RABGAP1L: variants seen among roughly 807,000 people sequenced by gnomAD.
The protein encoded by RABGAP1L is rab GTPase-activating protein 1-like.
In RABGAP1L, 63 loss-of-function variants were observed where a neutral mutation model predicts 137.7. That is an observed-to-expected ratio of 0.46 (90% CI 0.37 to 0.56). The LOEUF is 0.56. Ranked by LOEUF, RABGAP1L falls within the 20% of genes least tolerant of loss-of-function variation. The pLI is 0.00. For missense variants in RABGAP1L, 1,095 were observed against 1,244.0 expected (o/e 0.88, Z 1.80); for synonymous variants, 431 against 433.7 (o/e 0.99, Z 0.08).
intron 13 of RABGAP1L, among the ~76,000 whole-genome samples, chr1:174,461,451 G>T (rs1320930364): frequency 6.6e-6 from 1 of 152,198 alleles, no homozygotes; most frequent in African/African-American, 2.4e-5. Context: ...AAGCATGCTT[G>T]CAGGTCTGTA....
rs908418527 is a variant in RABGAP1L, at chr1:174,676,927, A to G, written c.1825-6595A>G. ...TTAAACCCCAGGGATATCATTTTCT[A>G]AAGGAGTCATCTGTAGATGGTTTAT... On this transcript the variant is annotated intron_variant, in intron 14 of 25. Transcript: ENST00000681986. 5.3e-5 allele frequency among the ~76,000 whole-genome samples: 8 copies of G among 152,262 alleles called. No individual in the cohort carries two copies. In the East Asian group the frequency reaches 1.3e-3, roughly 26 times the overall value.
chr1:174,733,531 A>G (rs757994875), intron 17 of RABGAP1L, among the ~76,000 whole-genome samples: 5 of 152,184 alleles, frequency 3.3e-5, no homozygotes, highest in East Asian at 1.9e-4. Context: ...AACATTTCCA[A>G]GTTTACCCAA....
intron 11 of RABGAP1L, among the ~76,000 whole-genome samples, chr1:174,338,863 G>A (rs1384076011): frequency 3.9e-5 from 6 of 152,004 alleles, no homozygotes; most frequent in Non-Finnish European, 7.4e-5. Flanking sequence ...AATGGGTTTT[G>A]CACTTTTAAA....
intron 10 of RABGAP1L, among the ~76,000 whole-genome samples, chr1:174,293,107 T>C (rs568044972): frequency 8.2e-6 from 1 of 122,684 alleles, no homozygotes; most frequent in Admixed American, 7.4e-5. Flanking sequence ...ACACTAAAAT[T>C]AGGATTTTTT....
chr1:174,320,611 A>G (rs796270058), intron 11 of RABGAP1L, among the ~76,000 whole-genome samples: 2 of 152,146 alleles, frequency 1.3e-5, no homozygotes, highest in Non-Finnish European at 2.9e-5. Flanking sequence ...GACATACATT[A>G]GTTCCCCAAA....
At position 174,895,689 on chromosome 1, in the gene RABGAP1L, G is replaced by A. The variant is rs563434880; in HGVS notation, c.2341-61768G>A. Among the ~76,000 whole-genome samples, 44 of 152,028 alleles carry A rather than the reference G, an allele frequency of 2.9e-4. 1 individual carries two copies. Among genetic ancestry groups the A allele is most frequent in the South Asian group, 2.3e-3 (11 of 4,808 alleles). On this transcript the variant is annotated intron_variant, in intron 19 of 25. Coordinates refer to ENST00000681986, the MANE Select transcript of RABGAP1L (RefSeq NM_001366446.1). The stretch of plus-strand genomic sequence containing the variant: ...TTCCCACCTATGAGTGAGAACATGC[G>A]GTGTTTGGTTTTTTGTCCTTGTGAT...
At chr1:174,175,496 T>C (rs1226740048) in intron 1 of RABGAP1L, among the ~76,000 whole-genome samples, 3 of 151,176 alleles carry the variant, frequency 2.0e-5, no homozygotes, top group Non-Finnish European at 4.4e-5. Context: ...TTTTTTCTTT[T>C]TTTTTTTTTT....
At chr1:174,491,419 C>G (rs535654610) in intron 13 of RABGAP1L, among the ~76,000 whole-genome samples, 3 of 152,044 alleles carry the variant, frequency 2.0e-5, no homozygotes, top group Admixed American at 2.0e-4. Context: ...GTACCCTATC[C>G]TACTGTGGCT....
intron 13 of RABGAP1L, among the ~76,000 whole-genome samples, chr1:174,518,815 G>T (rs1166178836): frequency 6.6e-6 from 1 of 152,104 alleles, no homozygotes; most frequent in Non-Finnish European, 1.5e-5. Context: ...GCGTACAAAT[G>T]ATTGCCTTGA....
intron 13 of RABGAP1L, among the ~76,000 whole-genome samples, chr1:174,609,387 G>C (rs1671015586): frequency 6.6e-6 from 1 of 152,126 alleles, no homozygotes; most frequent in Non-Finnish European, 1.5e-5. Context: ...TCTCTTAGCT[G>C]CATGAGAGTC....
chr1:174,803,298 T>A (rs1413392164), intron 18 of RABGAP1L, among the ~76,000 whole-genome samples: 1 of 152,228 alleles, frequency 6.6e-6, no homozygotes, highest in Admixed American at 6.5e-5. Flanking sequence ...GTACACCCAG[T>A]TAAGGACAAT....
At chr1:174,407,976 G>GA (rs1163752079) in intron 13 of RABGAP1L, among the ~76,000 whole-genome samples, 2 of 152,138 alleles carry the variant, frequency 1.3e-5, no homozygotes, top group Non-Finnish European at 2.9e-5. Context: ...AGCAACCCGA[G>GA]ATGGGGTTGA....
At chr1:174,572,303 T>A (rs891169192) in intron 13 of RABGAP1L, among the ~76,000 whole-genome samples, 2 of 152,192 alleles carry the variant, frequency 1.3e-5, no homozygotes, top group Non-Finnish European at 2.9e-5. Flanking sequence ...AAGGAAGAAA[T>A]GTTAAATGTT....
intron 1 of RABGAP1L, among the ~76,000 whole-genome samples, chr1:174,188,143 A>G (rs749154509): frequency 3.3e-5 from 5 of 152,204 alleles, no homozygotes; most frequent in African/African-American, 9.6e-5. Context: ...TATTAGGTCT[A>G]TAGAGTGTGG....
chr1:174,306,067 A>G (rs887334092), intron 11 of RABGAP1L, among the ~76,000 whole-genome samples: 3 of 152,156 alleles, frequency 2.0e-5, no homozygotes, highest in Non-Finnish European at 4.4e-5. Context: ...TTCCAGCTTC[A>G]TCCATGTCCC....
At chr1:174,245,671 T>C (rs1327906711) in intron 5 of RABGAP1L, 1 of 151,820 alleles carries the variant, frequency 6.6e-6, no homozygotes, top group Non-Finnish European at 1.5e-5. Flanking sequence ...AGAGTCTCAC[T>C]GTCTCCCAGG....
chr1:174,724,167 A>G (rs1327034387), intron 17 of RABGAP1L, among the ~76,000 whole-genome samples: 1 of 152,210 alleles, frequency 6.6e-6, no homozygotes, highest in African/African-American at 2.4e-5. Flanking sequence ...GGGATCATAT[A>G]TAGTTAAAAT....
At chr1:174,621,025 GAA>G (rs941000185) in intron 13 of RABGAP1L, among the ~76,000 whole-genome samples, 1 of 151,964 alleles carries the variant, frequency 6.6e-6, no homozygotes, top group Non-Finnish European at 1.5e-5. Flanking sequence ...AAATAAACTA[GAA>G]AATCTAGAAG....
At position 174,778,002 on chromosome 1, in the gene RABGAP1L, T is replaced by G. The variant is rs537715019; in HGVS notation, c.2211+25648T>G. ...GCACTTGAAGAAATAATGGCTGATA[T>G]TTTTCCAAATTTGATGAAAATTTTT... is the stretch of plus-strand genomic sequence containing the variant. On this transcript the variant is annotated intron_variant, in intron 18 of 25. Coordinates refer to ENST00000681986, the MANE Select transcript of RABGAP1L (RefSeq NM_001366446.1). Among the ~76,000 whole-genome samples, 19 of 152,158 alleles carry G rather than the reference T, an allele frequency of 1.2e-4. No homozygotes were observed. The East Asian group carries it at 3.5e-3, about 28-fold the overall frequency.
Sources: gnomAD v4.1 joint callset for allele counts (sites outside exome capture counted in the v4.1 genomes callset) on GRCh38, gnomAD v4.1.1 for gene constraint, MANE v1.5 for transcripts, NCBI Gene and HGNC (gene_info 2026-07-23, HGNC 2026-07-21) for gene names.